TTC29: variants seen among roughly 807,000 people sequenced by gnomAD.
TTC29 encodes tetratricopeptide repeat protein 29.
TTC29 carries 49 observed loss-of-function variants against 58.1 expected under a neutral mutation model. That is an observed-to-expected ratio of 0.84 (90% confidence interval 0.67 to 1.07). The LOEUF (loss-of-function observed/expected upper bound fraction) is 1.07, where lower values mean the gene tolerates loss of function less well. Ranked by LOEUF, TTC29 falls within the 50% of genes least tolerant of loss-of-function variation. TTC29 has a pLI of 0.00. For synonymous variants in TTC29, 209 were observed against 196.8 expected (o/e 1.06, Z -0.52); for missense variants, 582 against 555.6 (o/e 1.05, Z -0.48).
chr4:146,938,414 C>T (rs747248881), intron 3 of TTC29, among the ~76,000 whole-genome samples: 25 of 151,976 alleles, frequency 1.6e-4, no homozygotes, highest in Admixed American at 5.2e-4. Context: ...TACAAGAAAA[C>T]GTTTTCTTTA....
intron 8 of TTC29, among the ~76,000 whole-genome samples, chr4:146,866,995 G>A (rs557601780): frequency 3.3e-5 from 5 of 152,090 alleles, no homozygotes; most frequent in Admixed American, 1.3e-4. Context: ...TTGATTATAC[G>A]GCAGGCTACT....
chr4:146,897,995 T>G (rs1732892033), intron 6 of TTC29, among the ~76,000 whole-genome samples: 1 of 152,182 alleles, frequency 6.6e-6, no homozygotes, highest in African/African-American at 2.4e-5. Context: ...GAATTTATTG[T>G]TTTTTTAGTG....
intron 10 of TTC29, among the ~76,000 whole-genome samples, chr4:146,817,702 C>T (rs981931532): frequency 2.7e-4 from 41 of 152,120 alleles, no homozygotes; most frequent in African/African-American, 9.7e-4. Context: ...GCTACAGTAA[C>T]CAAAACAGCA....
intron 6 of TTC29, among the ~76,000 whole-genome samples, chr4:146,902,242 C>T (rs1311435102): frequency 6.6e-6 from 1 of 152,076 alleles, no homozygotes; most frequent in African/African-American, 2.4e-5. Flanking sequence ...TGTACAGAAG[C>T]TTAAGTCCAA....
chr4:146,893,974 A>T (rs1383168125), intron 6 of TTC29, among the ~76,000 whole-genome samples: 2 of 152,208 alleles, frequency 1.3e-5, no homozygotes, highest in African/African-American at 2.4e-5. Context: ...TCAAAACCAC[A>T]ATGAGATACC....
At chr4:146,805,900 T>C (rs4835340) in intron 10 of TTC29, among the ~76,000 whole-genome samples, 9,493 of 151,394 alleles carry the variant, frequency 0.063, 398 homozygotes, top group Admixed American at 0.13. Flanking sequence ...CACAAAACTC[T>C]TCGAGAAGAG....
At chr4:146,836,098 T>C (rs1302479421) in intron 8 of TTC29, among the ~76,000 whole-genome samples, 1 of 152,096 alleles carries the variant, frequency 6.6e-6, no homozygotes. Flanking sequence ...AATTTCCTCA[T>C]AGTAAAAAAG....
intron 10 of TTC29, among the ~76,000 whole-genome samples, chr4:146,812,045 A>G (rs1212782893): frequency 2.6e-5 from 4 of 152,232 alleles, no homozygotes; most frequent in Non-Finnish European, 5.9e-5. Flanking sequence ...GTTAATTAGA[A>G]AAAATAAAAC....
intron 6 of TTC29, among the ~76,000 whole-genome samples, chr4:146,896,564 G>A (rs6537435): frequency 0.47 from 71,622 of 152,008 alleles, 17,693 homozygotes; most frequent in African/African-American, 0.6. Flanking sequence ...CTATTTTAAT[G>A]TGCATATTCA....
At chr4:146,818,171 C>T (rs188523830) in intron 10 of TTC29, among the ~76,000 whole-genome samples, 143 of 152,200 alleles carry the variant, frequency 9.4e-4, no homozygotes, top group Non-Finnish European at 1.7e-3. Context: ...AGAAAATTTT[C>T]ACAATCTACT....
intron 8 of TTC29, among the ~76,000 whole-genome samples, chr4:146,840,721 T>C (rs1021046680): frequency 2.6e-5 from 4 of 152,082 alleles, no homozygotes; most frequent in African/African-American, 9.7e-5. Flanking sequence ...TTTCAGATAG[T>C]TGTAAGAACT....
chr4:146,725,963 C>T (rs1055831866), intron 11 of TTC29, among the ~76,000 whole-genome samples: 14 of 152,108 alleles, frequency 9.2e-5, no homozygotes, highest in Non-Finnish European at 1.6e-4. Context: ...GCCTGCAACT[C>T]CTGGACTCAA....
chr4:146,939,736 A>C, intron 3 of TTC29, 68 bp downstream of exon 3: 2 of 1,329,210 alleles, frequency 1.5e-6, no homozygotes, highest in Non-Finnish European at 2.1e-6. Flanking sequence ...TCTGAGATAC[A>C]TTATTGACAT....
chr4:146,839,200 A>T (rs147058435), intron 8 of TTC29, among the ~76,000 whole-genome samples: 1 of 152,046 alleles, frequency 6.6e-6, no homozygotes, highest in Non-Finnish European at 1.5e-5. Flanking sequence ...CACTGGCCTT[A>T]TAAGTACTGT....
chr4:146,735,917 C>T (rs1040183292), intron 11 of TTC29, among the ~76,000 whole-genome samples: 1 of 152,130 alleles, frequency 6.6e-6, no homozygotes, highest in African/African-American at 2.4e-5. Flanking sequence ...GGATTCATCC[C>T]AGCAAGGTAG....
At chr4:146,724,983 A>G (rs916675700) in intron 11 of TTC29, among the ~76,000 whole-genome samples, 2 of 152,162 alleles carry the variant, frequency 1.3e-5, no homozygotes, top group African/African-American at 4.8e-5. Context: ...CATTGCAGTC[A>G]GTGTAACTGG....
chr4:146,848,942 A>G (rs1301402533), intron 8 of TTC29, among the ~76,000 whole-genome samples: 1 of 152,178 alleles, frequency 6.6e-6, no homozygotes, highest in Non-Finnish European at 1.5e-5. Context: ...GACCAAGCAC[A>G]CATCCCAAGG....
intron 8 of TTC29, among the ~76,000 whole-genome samples, chr4:146,835,177 CTTTT>C (rs1027635869): frequency 6.6e-6 from 1 of 151,996 alleles, no homozygotes; most frequent in African/African-American, 2.4e-5. Context: ...TTTTAAGTCT[CTTTT>C]TTTTATTCTT....
At chr4:146,868,251 T>A (rs1378263489) in intron 7 of TTC29, among the ~76,000 whole-genome samples, 2 of 152,066 alleles carry the variant, frequency 1.3e-5, no homozygotes, top group Non-Finnish European at 2.9e-5. Context: ...AGGGGTAGCA[T>A]TAGGAGATAT....
Sources: gnomAD v4.1 joint callset for allele counts (sites outside exome capture counted in the v4.1 genomes callset) on GRCh38, gnomAD v4.1.1 for gene constraint, MANE v1.5 for transcripts, NCBI Gene and HGNC (gene_info 2026-07-23, HGNC 2026-07-21) for gene names.